The following PLCH2 variants were observed in gnomAD, a reference collection of about 807,000 sequenced individuals.
The protein encoded by PLCH2 is 1-phosphatidylinositol 4,5-bisphosphate phosphodiesterase eta-2.
In PLCH2, 98 loss-of-function variants were observed where a neutral mutation model predicts 134.7. That is an observed-to-expected ratio of 0.73 (90% CI 0.62 to 0.86). The LOEUF is 0.86. PLCH2 is among the 40% of genes least tolerant of loss of function. The pLI, the probability that PLCH2 is intolerant of heterozygous loss-of-function variation, is 0.00. For synonymous variants in PLCH2, 974 were observed against 827.5 expected (o/e 1.18, Z -3.04); for missense variants, 1,994 against 1,986.6 (o/e 1.00, Z -0.07).
intron 3 of PLCH2, 52 bp from the exon 4 acceptor site, chr1:2,480,131 G>T: frequency 6.2e-7 from 1 of 1,606,010 alleles, no homozygotes; most frequent in South Asian, 1.1e-5. Flanking sequence ...AGAGGGTGGA[G>T]GTGTCAGGGC....
intron 1 of PLCH2, among the ~76,000 whole-genome samples, chr1:2,477,593 T>G (rs1641704164): frequency 6.6e-6 from 1 of 152,190 alleles, no homozygotes; most frequent in Non-Finnish European, 1.5e-5. Context: ...AGTCTGTTCC[T>G]GGGCTGGGAC....
chr1:2,445,139 C>T (rs1639881796), intron 2 of PLCH2, among the ~76,000 whole-genome samples: 1 of 152,150 alleles, frequency 6.6e-6, no homozygotes, highest in African/African-American at 2.4e-5. Flanking sequence ...GGGCCACATT[C>T]TCCGCACTGC....
At chr1:2,443,884 G>T (rs1639811307) in intron 2 of PLCH2, among the ~76,000 whole-genome samples, 1 of 150,714 alleles carries the variant, frequency 6.6e-6, no homozygotes, top group South Asian at 2.1e-4. Flanking sequence ...GCGCCTCCCG[G>T]CCCGCAGCCC....
Position 2,457,978 on chromosome 1 carries a change from CG to C in PLCH2, c.116-20495del, listed in dbSNP as rs1463096923. Among the ~76,000 whole-genome samples the C allele has an allele frequency of 2.0e-5, 3 of 151,692 alleles. No homozygotes were observed. In the East Asian group the frequency reaches 5.8e-4, roughly 30 times the overall value. On this transcript the variant is annotated intron_variant, in intron 2 of 3. Coordinates refer to the PLCH2 transcript ENST00000609981. ...GGTAGGGAGGGCAGAGAGCAACGTG[CG>C]GGCCTCAGGCACCAAGGAGGCCGCA... is the stretch of plus-strand genomic sequence containing the variant.
At chr1:2,488,179 C>T (rs1458965164) in intron 8 of PLCH2, among the ~76,000 whole-genome samples, 1 of 152,198 alleles carries the variant, frequency 6.6e-6, no homozygotes, top group African/African-American at 2.4e-5. Flanking sequence ...GAGCTAATTG[C>T]ATGAAGGAAG....
chr1:2,435,939 TTCCTCCCTCCTCTCC>T (rs1323438163), intron 2 of PLCH2, among the ~76,000 whole-genome samples: 24 of 148,018 alleles, frequency 1.6e-4, no homozygotes, highest in Non-Finnish European at 2.5e-4. Context: ...CCCTCCTCCC[TTCCTCCCTCCTCTCC>T]TCCTCCCTCC....
intron 2 of PLCH2, among the ~76,000 whole-genome samples, chr1:2,440,904 T>C (rs1177609799): frequency 6.6e-6 from 1 of 152,192 alleles, no homozygotes; most frequent in Non-Finnish European, 1.5e-5. Flanking sequence ...AACGGAAGGC[T>C]GTGGGTCTTT....
At chr1:2,463,509 G>A (rs1316322118), upstream of PLCH2, among the ~76,000 whole-genome samples, 2 of 152,226 alleles carry the variant, frequency 1.3e-5, no homozygotes, top group African/African-American at 2.4e-5. Context: ...CGTTTCCTTG[G>A]AGACATATGT....
upstream of PLCH2, among the ~76,000 whole-genome samples, chr1:2,471,808 C>A (rs893042286): frequency 1.3e-5 from 2 of 152,170 alleles, no homozygotes; most frequent in Non-Finnish European, 2.9e-5. Flanking sequence ...CCCAAGGGGG[C>A]AGAACAAAGT....
intron 2 of PLCH2, among the ~76,000 whole-genome samples, chr1:2,456,503 T>C (rs1190988688): frequency 6.6e-6 from 1 of 152,232 alleles, no homozygotes. Context: ...ACCGTCACTG[T>C]CACCGCTGCC....
chr1:2,419,072 C>T, the PLCH2 span, among the ~76,000 whole-genome samples: 60 of 152,202 alleles, frequency 3.9e-4, 1 homozygote, highest in East Asian at 5.0e-3. Flanking sequence ...GCATGTGACA[C>T]CTGGCCAAGG....
intron 1 of PLCH2, among the ~76,000 whole-genome samples, chr1:2,427,732 A>T (rs1638867434): frequency 6.6e-6 from 1 of 152,066 alleles, no homozygotes; most frequent in South Asian, 2.1e-4. Context: ...ACACAGCGTG[A>T]GGGGCCACCG....
At chr1:2,474,693 T>C (rs1641521379), upstream of PLCH2, among the ~76,000 whole-genome samples, 1 of 152,122 alleles carries the variant, frequency 6.6e-6, no homozygotes, top group Non-Finnish European at 1.5e-5. Context: ...CACCCCCAGC[T>C]GGGGCCAGGC....
intron 20 of PLCH2, 51 bp downstream of exon 20, chr1:2,499,771 C>T: frequency 1.4e-6 from 2 of 1,390,632 alleles, no homozygotes; most frequent in East Asian, 2.5e-5. Context: ...CCACACCAGC[C>T]CCTTGTCCCA....
intron 1 of PLCH2, 91 bp from the exon 2 acceptor site, chr1:2,478,385 T>C (rs1441975424): frequency 1.3e-6 from 2 of 1,486,922 alleles, no homozygotes; most frequent in African/African-American, 1.4e-5. Flanking sequence ...GTTTCTCCCG[T>C]GAGGAGTGGC....
Position 2,499,640 on chromosome 1 carries a change from G to C in PLCH2, c.2582-1G>C. 2.5e-6 allele frequency: 4 copies of C among 1,598,296 alleles called. No individual in the cohort carries two copies. The highest frequency in any genetic ancestry group is 3.4e-6 in the Non-Finnish European group (4 of 1,172,846). On this transcript the variant is annotated splice_acceptor_variant, in intron 19 of 21. Coordinates refer to ENST00000378486, the MANE Select transcript of PLCH2 (RefSeq NM_014638.4). LOFTEE classifies it high-confidence loss of function. ...GACCCTGCTGACCCACACTGCTCCA[G>C]GCTACAGACACGTGTACCTAGAAGG... is the stretch of plus-strand genomic sequence containing the variant.
chr1:2,443,961 C>G (rs971530740), intron 2 of PLCH2, among the ~76,000 whole-genome samples: 4 of 152,054 alleles, frequency 2.6e-5, no homozygotes, highest in African/African-American at 4.8e-5. Flanking sequence ...GGAGCCGCCC[C>G]GCAGAAGCAC....
At chr1:2,503,301 G>A (rs2100747001) in intron 21 of PLCH2, 3 of 569,876 alleles carry the variant, frequency 5.3e-6, no homozygotes, top group South Asian at 4.0e-5. Flanking sequence ...GGGACTGGGG[G>A]CCACGTACCA....
Position 2,496,885 on chromosome 1 carries a change from A to G in PLCH2, c.1991A>G (p.Gln664Arg). 6.2e-7 allele frequency: 1 copy of G among 1,613,026 alleles called. No individual in the cohort carries two copies. The highest frequency in any genetic ancestry group is 8.5e-7 in the Non-Finnish European group (1 of 1,179,846). ...GAGACCAAGGCCCACCAGATTCTGC[A>G]GCAGAAGCCGGCGCAGTACCTACGC... is the stretch of plus-strand genomic sequence containing the variant. ...FSETKAHQIL[Q>R]QKPAQYLRFN... Residue 664 changes from glutamine (Q) to arginine (R), a missense_variant, in exon 15 of 22, where the codon CAG becomes CGG. Around this residue, in one of 2 missense-constraint regions of PLCH2, gnomAD observed 1,094 missense variants for 1,234.3 expected, o/e 0.89. Transcript: ENST00000378486.
Sources: allele counts gnomAD v4.1 joint callset (sites outside exome capture counted in the v4.1 genomes callset), GRCh38; gene constraint gnomAD v4.1.1; regional missense constraint gnomAD v4.1.1; transcripts MANE v1.5; gene names NCBI Gene and HGNC (gene_info 2026-07-23, HGNC 2026-07-21).